The following KSR2 variants were observed in gnomAD, a reference collection of about 807,000 sequenced individuals.
KSR2 encodes the protein kinase suppressor of ras 2.
In KSR2, 25 loss-of-function variants were observed where a neutral mutation model predicts 107.8. That is an observed-to-expected ratio of 0.23 (90% CI 0.17 to 0.32). The LOEUF (loss-of-function observed/expected upper bound fraction) is 0.32. Ranked by LOEUF, KSR2 falls within the 10% of genes least tolerant of loss-of-function variation. The pLI is 1.00. For missense variants in KSR2, 887 were observed against 1,268.9 expected (o/e 0.70, Z 4.57); for synonymous variants, 480 against 507.0 (o/e 0.95, Z 0.71).
intron 1 of KSR2, among the ~76,000 whole-genome samples, chr12:117,917,770 A>G (rs1437620014): frequency 6.6e-6 from 1 of 152,104 alleles, no homozygotes; most frequent in Non-Finnish European, 1.5e-5. Context: ...CTTACTGTAC[A>G]TGGCCGAGCC....
chr12:117,855,375 G>A (rs779369375), intron 3 of KSR2, 53 bp downstream of exon 3: 54 of 1,606,690 alleles, frequency 3.4e-5, no homozygotes, highest in African/African-American at 8.0e-5. Flanking sequence ...GAGGGACCGC[G>A]GCAGCTGTGC....
intron 3 of KSR2, among the ~76,000 whole-genome samples, chr12:117,790,584 T>C (rs1890220423): frequency 6.6e-6 from 1 of 152,242 alleles, no homozygotes; most frequent in African/African-American, 2.4e-5. Context: ...AGAACTGTTT[T>C]AGGGGAAAGA....
Position 117,842,272 on chromosome 12 carries a change from T to C in KSR2, c.472+13156A>G, listed in dbSNP as rs1892519968. On this transcript the variant is annotated intron_variant, in intron 3 of 19. Coordinates refer to ENST00000339824, the MANE Select transcript of KSR2 (RefSeq NM_173598.6). This position sits in a 1 kb window ranked among gnomAD's most constrained non-coding sequence, Gnocchi z 4.2. ...ATGATAGGATAGAGAGTGGCCAGGA[T>C]GGAAGTGGGACTCTGAGAAGCTGGC... 6.6e-6 allele frequency among the ~76,000 whole-genome samples: 1 copy of C among 152,166 alleles called. No individual in the cohort carries two copies. Among genetic ancestry groups the C allele is most frequent in the Non-Finnish European group, 1.5e-5 (1 of 68,038 alleles).
At chr12:117,604,104 T>C (rs1484526254) in intron 5 of KSR2, among the ~76,000 whole-genome samples, 1 of 152,204 alleles carries the variant, frequency 6.6e-6, no homozygotes, top group Non-Finnish European at 1.5e-5. Flanking sequence ...GCCATTTTTT[T>C]GACATGGGAC....
chr12:117,734,982 C>T (rs1224256708), intron 4 of KSR2, among the ~76,000 whole-genome samples: 1 of 152,032 alleles, frequency 6.6e-6, no homozygotes, highest in Non-Finnish European at 1.5e-5. Flanking sequence ...AGCAGCTTTG[C>T]CCTCACGGCC....
intron 3 of KSR2, among the ~76,000 whole-genome samples, chr12:117,820,318 G>T (rs180857426): frequency 6.6e-6 from 1 of 152,084 alleles, no homozygotes; most frequent in Non-Finnish European, 1.5e-5. Context: ...GGAGGCGGGG[G>T]ATGTTCTGCC....
chr12:117,630,842 G>A (rs182681500), intron 5 of KSR2, among the ~76,000 whole-genome samples: 51 of 152,224 alleles, frequency 3.4e-4, no homozygotes, highest in African/African-American at 8.9e-4. Context: ...ACTGGGGACC[G>A]GGGTTACATC....
intron 3 of KSR2, among the ~76,000 whole-genome samples, chr12:117,846,584 A>G (rs537747880): frequency 6.6e-6 from 1 of 152,316 alleles, no homozygotes; most frequent in East Asian, 1.9e-4. Context: ...GATCACAGGC[A>G]TAAACCACTG....
intron 5 of KSR2, among the ~76,000 whole-genome samples, chr12:117,593,620 A>C (rs1032431783): frequency 6.6e-6 from 1 of 152,204 alleles, no homozygotes; most frequent in African/African-American, 2.4e-5. Flanking sequence ...GTGTTCTGTC[A>C]CCTGACTCTT....
intron 3 of KSR2, among the ~76,000 whole-genome samples, chr12:117,763,892 A>C (rs1465534063): frequency 6.6e-6 from 1 of 152,164 alleles, no homozygotes; most frequent in East Asian, 1.9e-4. Flanking sequence ...TCAATGAAGG[A>C]AGACCCACCA....
Position 117,761,185 on chromosome 12 carries a change from A to G in KSR2, c.812T>C (p.Val271Ala). The G allele has an allele frequency of 6.3e-7, 1 of 1,593,772 alleles. No individual in the cohort carries two copies. Among genetic ancestry groups the G allele is most frequent in the Non-Finnish European group, 8.6e-7 (1 of 1,168,944 alleles). The part of the protein sequence containing the change: ...PPRTPNIVTT[V>A]TPPGTPPMRK... Reference sequence around the variant, plus strand: ...CATGGGCGGCGTGCCCGGCGGGGTCACGGTGGTGACGATGTTGGGGGTGCG... The same window carrying G: ...CATGGGCGGCGTGCCCGGCGGGGTCGCGGTGGTGACGATGTTGGGGGTGCG... Residue 271 changes from valine (V) to alanine (A), a missense_variant, in exon 4 of 20, where the codon GTG becomes GCG. Physicochemically the swap from Val to Ala is moderately conservative, Grantham distance 64. Coordinates refer to ENST00000339824, the MANE Select transcript of KSR2 (RefSeq NM_173598.6).
In KSR2 at chr12:117,501,002, A is replaced by G. The variant is rs926775384; in HGVS notation, c.2220-15311T>C. On this transcript the variant is annotated intron_variant, in intron 14 of 19. Coordinates refer to ENST00000339824, the MANE Select transcript of KSR2 (RefSeq NM_173598.6). ...GCAGATACTGAGGCTTGGTAGAATC[A>G]GGCTTCTGAGGTGGGAGTTGCAAAC... Among the ~76,000 whole-genome samples the G allele has an allele frequency of 2.0e-5, 3 of 152,250 alleles. No homozygotes were observed. The South Asian group carries it at 6.2e-4, about 32-fold the overall frequency.
chr12:117,671,860 C>A (rs1884919385), intron 4 of KSR2, among the ~76,000 whole-genome samples: 1 of 151,594 alleles, frequency 6.6e-6, no homozygotes, highest in Admixed American at 6.6e-5. Context: ...CAGAGCACAG[C>A]CTCCTTGCAG....
intron 4 of KSR2, among the ~76,000 whole-genome samples, chr12:117,706,767 C>A (rs1886545831): frequency 7.9e-6 from 1 of 127,196 alleles, no homozygotes; most frequent in Admixed American, 7.7e-5. Flanking sequence ...CTTAATAAAC[C>A]TGTTAAGAAA....
intron 3 of KSR2, among the ~76,000 whole-genome samples, chr12:117,799,080 G>A (rs1483530868): frequency 6.6e-6 from 1 of 152,162 alleles, no homozygotes; most frequent in African/African-American, 2.4e-5. Flanking sequence ...GAGAAGAACA[G>A]GTATTAAGTG....
At chr12:117,942,679 T>C (rs929779177) in intron 1 of KSR2, among the ~76,000 whole-genome samples, 3 of 148,962 alleles carry the variant, frequency 2.0e-5, no homozygotes, top group African/African-American at 7.5e-5. Context: ...TTTTTTTTTT[T>C]GGAGAAACAA....
chr12:117,552,247 GC>G (rs1453571753), intron 9 of KSR2, among the ~76,000 whole-genome samples: 8 of 152,338 alleles, frequency 5.3e-5, no homozygotes, highest in African/African-American at 1.9e-4. Flanking sequence ...TACACTGAGT[GC>G]ATTTAAATGT....
intron 3 of KSR2, among the ~76,000 whole-genome samples, chr12:117,835,323 C>T (rs921806660): frequency 3.3e-5 from 5 of 152,120 alleles, no homozygotes; most frequent in African/African-American, 9.7e-5. Flanking sequence ...GTGTGCATGG[C>T]GAGTTGGAGG....
At chr12:117,954,943 G>A (rs1206527030) in intron 1 of KSR2, among the ~76,000 whole-genome samples, 1 of 151,168 alleles carries the variant, frequency 6.6e-6, no homozygotes, top group Non-Finnish European at 1.5e-5. Flanking sequence ...CTTGAACCCA[G>A]TACACGGAGG....
Sources: gnomAD v4.1 joint callset for allele counts (sites outside exome capture counted in the v4.1 genomes callset) on GRCh38, gnomAD v4.1.1 for gene constraint, Gnocchi (gnomAD v3.1) non-coding constraint, MANE v1.5 for transcripts, NCBI Gene and HGNC (gene_info 2026-07-23, HGNC 2026-07-21) for gene names.